PCDH15: variants seen among roughly 807,000 people sequenced by gnomAD.
PCDH15 encodes the protein protocadherin-15.
PCDH15 carries 129 observed loss-of-function variants against 178.5 expected under a neutral mutation model. That is an observed-to-expected ratio of 0.72 (90% CI 0.63 to 0.84). The LOEUF (loss-of-function observed/expected upper bound fraction) is 0.84, where lower values mean the gene tolerates loss of function less well. Among genes scored for constraint, PCDH15 ranks in the 40% least tolerant of loss-of-function variants. The pLI is 0.00. For missense variants in PCDH15, 2,230 were observed against 2,099.9 expected (o/e 1.06, Z -1.21); for synonymous variants, 800 against 732.0 (o/e 1.09, Z -1.50).
At chr10:53,858,015 CA>C (rs567970382) in intron 27 of PCDH15, among the ~76,000 whole-genome samples, 30 of 150,626 alleles carry the variant, frequency 2.0e-4, no homozygotes, top group Admixed American at 3.3e-4. Flanking sequence ...GATTTTAAAA[CA>C]AAAAAAATAA....
At chr10:54,741,512 T>A (rs1944805271) in intron 1 of PCDH15, among the ~76,000 whole-genome samples, 1 of 152,028 alleles carries the variant, frequency 6.6e-6, no homozygotes, top group Non-Finnish European at 1.5e-5. Flanking sequence ...TTCCTATTAC[T>A]GCTATTACCA....
intron 3 of PCDH15, among the ~76,000 whole-genome samples, chr10:54,446,760 G>T (rs1273690225): frequency 6.6e-6 from 1 of 151,382 alleles, no homozygotes; most frequent in Non-Finnish European, 1.5e-5. Flanking sequence ...ATTTAAAAAA[G>T]TCGGATTAGG....
In PCDH15 at chr10:53,959,718, A is replaced by T. The variant is rs1159400905; in HGVS notation, c.3122+14T>A. 6.3e-7 allele frequency: 1 copy of T among 1,585,722 alleles called. No homozygotes were observed. Among genetic ancestry groups the T allele is most frequent in the Non-Finnish European group, 8.7e-7 (1 of 1,154,330 alleles). ...AACATTTCGTGTATTTCAAAATCGG[A>T]CAGAAATCAATACCTATATTCCTCC... On this transcript the variant is annotated intron_variant, in intron 23 of 37. Transcript: ENST00000644397.
intron 2 of PCDH15, among the ~76,000 whole-genome samples, chr10:54,608,149 G>A (rs1590466151): frequency 6.6e-6 from 1 of 151,830 alleles, no homozygotes; most frequent in African/African-American, 2.4e-5. Flanking sequence ...AAATCCCAGG[G>A]GATTTGTATG....
At chr10:55,140,300 G>A (rs1340210418) in intron 2 of PCDH15, among the ~76,000 whole-genome samples, 2 of 151,840 alleles carry the variant, frequency 1.3e-5, no homozygotes, top group African/African-American at 4.8e-5. Context: ...CTTATTTTAT[G>A]TTCAATCTTA....
chr10:54,727,544 C>A (rs530630517), intron 1 of PCDH15, among the ~76,000 whole-genome samples: 1 of 151,526 alleles, frequency 6.6e-6, no homozygotes, highest in African/African-American at 2.4e-5. Context: ...ACTAGAATAA[C>A]AAGAGCAAAC....
At chr10:55,026,001 T>A (rs112104162) in intron 2 of PCDH15, among the ~76,000 whole-genome samples, 5,315 of 152,026 alleles carry the variant, frequency 0.035, 308 homozygotes, top group African/African-American at 0.12. Flanking sequence ...GGAGTAAAAT[T>A]TAGTTTGAAT....
chr10:53,818,081 A>T, intron 33 of PCDH15, 68 bp from the exon 34 acceptor site: 1 of 397,456 alleles, frequency 2.5e-6, no homozygotes, highest in Non-Finnish European at 4.4e-6. Flanking sequence ...AAAATGACTG[A>T]CAGATAAGGG....
intron 1 of PCDH15, among the ~76,000 whole-genome samples, chr10:55,234,056 T>C (rs2680327): frequency 0.43 from 64,939 of 151,826 alleles, 13,986 homozygotes; most frequent in South Asian, 0.48. Context: ...GAGGATGGCT[T>C]CATCAGTAAG....
chr10:54,157,546 T>C (rs1453353648), intron 13 of PCDH15, among the ~76,000 whole-genome samples: 1 of 152,180 alleles, frequency 6.6e-6, no homozygotes, highest in African/African-American at 2.4e-5. Flanking sequence ...CATAGGCCTC[T>C]GGGCCTGTGA....
intron 30 of PCDH15, among the ~76,000 whole-genome samples, chr10:53,830,474 C>T (rs1483587616): frequency 5.3e-5 from 8 of 152,048 alleles, no homozygotes; most frequent in Admixed American, 5.2e-4. Flanking sequence ...TTGTGGCACA[C>T]TCAGGGCTAC....
At chr10:55,551,694 A>G (rs1589132941) in intron 2 of PCDH15, among the ~76,000 whole-genome samples, 1 of 151,832 alleles carries the variant, frequency 6.6e-6, no homozygotes, top group South Asian at 2.1e-4. Context: ...CATTTTCAAT[A>G]TAACTGTAGT....
At chr10:54,021,910 G>C (rs2092932228) in intron 19 of PCDH15, among the ~76,000 whole-genome samples, 1 of 151,860 alleles carries the variant, frequency 6.6e-6, no homozygotes, top group Non-Finnish European at 1.5e-5. Context: ...CTGAAGACAT[G>C]TTTGTTAAAT....
At chr10:54,439,740 A>C (rs1269816867) in intron 3 of PCDH15, among the ~76,000 whole-genome samples, 3 of 152,068 alleles carry the variant, frequency 2.0e-5, no homozygotes, top group Non-Finnish European at 4.4e-5. Flanking sequence ...AAACCCATTA[A>C]GTTATTCACT....
At chr10:55,112,959 T>C (rs1309831622) in intron 2 of PCDH15, among the ~76,000 whole-genome samples, 2 of 152,194 alleles carry the variant, frequency 1.3e-5, no homozygotes, top group African/African-American at 4.8e-5. Flanking sequence ...AATACTGTGC[T>C]TAAAAAACTT....
chr10:55,126,012 T>C (rs993502057), intron 2 of PCDH15, among the ~76,000 whole-genome samples: 2 of 152,092 alleles, frequency 1.3e-5, no homozygotes, highest in Non-Finnish European at 2.9e-5. Context: ...TGTATTTCCA[T>C]TGACCAAGAT....
chr10:54,462,299 C>A (rs1044807311), intron 3 of PCDH15, among the ~76,000 whole-genome samples: 2 of 139,792 alleles, frequency 1.4e-5, no homozygotes, highest in African/African-American at 5.8e-5. Flanking sequence ...CACACACACA[C>A]ATATATATAT....
chr10:55,511,808 A>T (rs1393936170), intron 2 of PCDH15, among the ~76,000 whole-genome samples: 3 of 152,062 alleles, frequency 2.0e-5, no homozygotes, highest in Non-Finnish European at 4.4e-5. Context: ...TATTATTATT[A>T]TCTAGAGTAG....
chr10:55,297,550 A>G (rs1843164610), intron 1 of PCDH15, among the ~76,000 whole-genome samples: 1 of 152,148 alleles, frequency 6.6e-6, no homozygotes, highest in Admixed American at 6.5e-5. Flanking sequence ...AAAAATTTGG[A>G]AATATGTCAT....
Sources: gnomAD v4.1 joint callset for allele counts (sites outside exome capture counted in the v4.1 genomes callset) on GRCh38, gnomAD v4.1.1 for gene constraint, MANE v1.5 for transcripts, NCBI Gene and HGNC (gene_info 2026-07-23, HGNC 2026-07-21) for gene names.